OGG1: variants seen among roughly 807,000 people sequenced by gnomAD.
OGG1 encodes 8-oxoguanine DNA glycosylase, also known as N-glycosylase/DNA lyase.
Under a neutral mutation model 42.3 loss-of-function variants are expected in OGG1, and 35 were observed. That is an observed-to-expected ratio of 0.83 (90% CI 0.63 to 1.10). The LOEUF (loss-of-function observed/expected upper bound fraction) is 1.10, where lower values mean the gene tolerates loss of function less well. Ranked by LOEUF, OGG1 falls within the 50% of genes least tolerant of loss-of-function variation. The pLI, the probability that OGG1 is intolerant of heterozygous loss-of-function variation, is 0.00. For synonymous variants in OGG1, 189 were observed against 179.0 expected (o/e 1.06, Z -0.44); for missense variants, 484 against 446.7 (o/e 1.08, Z -0.75).
chr3:9,764,617 G>GTTT (rs202012854), intron 7 of OGG1, among the ~76,000 whole-genome samples: 12 of 93,460 alleles, frequency 1.3e-4, no homozygotes, highest in South Asian at 3.8e-4. Flanking sequence ...TGGCGTTTTT[G>GTTT]TTTTTTTTTT....
downstream of OGG1, chr3:9,789,492 A>G (rs373621595): frequency 1.6e-4 from 250 of 1,608,576 alleles, no homozygotes; most frequent in Middle Eastern, 1.2e-3. Flanking sequence ...ATGTCTATCA[A>G]GGCCCAGAGT....
downstream of OGG1, among the ~76,000 whole-genome samples, chr3:9,770,401 G>T (rs1176894059): frequency 6.6e-6 from 1 of 152,104 alleles, no homozygotes; most frequent in African/African-American, 2.4e-5. Flanking sequence ...GGGGAGTGAG[G>T]GAGTGGGGAA....
chr3:9,778,869 A>T (rs959187728), intron 2 of OGG1, among the ~76,000 whole-genome samples: 5 of 152,212 alleles, frequency 3.3e-5, no homozygotes, highest in African/African-American at 1.2e-4. Flanking sequence ...TCTCCAACAG[A>T]GAGGTGCTGG....
chr3:9,787,781 G>C (rs920054743), exon 4 of OGG1: 52 of 1,164,244 alleles, frequency 4.5e-5, no homozygotes, highest in Non-Finnish European at 5.9e-5. Context: ...TCAAAGTGTT[G>C]TGGCAGCACA....
rs538979516 is a variant in OGG1, at chr3:9,785,581, C to T, written c.383-2147C>T. On this transcript the variant is annotated intron_variant, in intron 3 of 3. Coordinates refer to the OGG1 transcript ENST00000426518. The stretch of plus-strand genomic sequence containing the variant: ...GCCTTCCCATACCAATCCCAAATTG[C>T]TTTGATCATTCTAGAAATCCCTTTT... 6.6e-4 allele frequency among the ~76,000 whole-genome samples: 101 copies of T among 152,342 alleles called. 1 individual carries two copies. The highest frequency in any genetic ancestry group is 5.9e-4 in the Non-Finnish European group (40 of 68,032).
downstream of OGG1, chr3:9,789,594 G>A (rs772932428): frequency 4.3e-5 from 70 of 1,613,986 alleles, no homozygotes; most frequent in Non-Finnish European, 5.7e-5. Context: ...AGCACAGTAG[G>A]GCTCCACTGA....
At chr3:9,785,882 G>A (rs1471653799) in intron 3 of OGG1, among the ~76,000 whole-genome samples, 3 of 152,080 alleles carry the variant, frequency 2.0e-5, no homozygotes, top group East Asian at 1.9e-4. Flanking sequence ...GAAGAGATAA[G>A]AGCCATAGCT....
At chr3:9,763,028 G>T in intron 7 of OGG1, 1 of 1,614,094 alleles carries the variant, frequency 6.2e-7, no homozygotes, top group Non-Finnish European at 8.5e-7. Flanking sequence ...CCACAATACG[G>T]TCAAAGAGCT....
downstream of OGG1, chr3:9,760,647 C>A: frequency 6.2e-7 from 1 of 1,613,680 alleles, no homozygotes; most frequent in Non-Finnish European, 8.5e-7. Flanking sequence ...AAAGCAAAGC[C>A]CCAAATACCA....
chr3:9,784,180 G>T (rs912516921), intron 3 of OGG1: 4 of 1,613,916 alleles, frequency 2.5e-6, no homozygotes, highest in Non-Finnish European at 3.4e-6. Flanking sequence ...GCTCCTCCTT[G>T]ATGCGGCTCT....
Position 9,751,862 on chromosome 3 carries a change from G to A in OGG1, c.478G>A (p.Glu160Lys). 2 of 1,614,146 alleles carry A rather than the reference G, an allele frequency of 1.2e-6. No homozygotes were observed. The highest frequency in any genetic ancestry group is 2.7e-5 in the African/African-American group (2 of 75,036). ...NNIARITGMV[E>K]RLCQAFGPRL... ...CATCGCCCGCATCACTGGCATGGTG[G>A]AGCGGCTGTGCCAGGCTTTTGGACC... Residue 160 changes from glutamate to lysine, a missense_variant, in exon 3 of 7, where the codon GAG becomes AAG. By Grantham distance (56) the Glu-to-Lys change is moderately conservative. Transcript: ENST00000344629.
chr3:9,767,429 C>G (rs1222999646), downstream of OGG1, among the ~76,000 whole-genome samples: 1 of 152,232 alleles, frequency 6.6e-6, no homozygotes, highest in African/African-American at 2.4e-5. Context: ...AATGGACTGA[C>G]TGGCACCTTC....
chr3:9,769,965 G>C (rs1027927770), downstream of OGG1: 2 of 152,278 alleles, frequency 1.3e-5, no homozygotes, highest in East Asian at 1.9e-4. Context: ...GGCTCGGCTC[G>C]GCGGCTCTCT....
chr3:9,762,597 T>G (rs1001436923), intron 7 of OGG1, among the ~76,000 whole-genome samples: 14 of 152,012 alleles, frequency 9.2e-5, no homozygotes, highest in African/African-American at 3.1e-4. Context: ...CGAACTGACC[T>G]CAGGTGATCC....
chr3:9,752,867 A>G (rs1426744654), intron 3 of OGG1, among the ~76,000 whole-genome samples: 1 of 151,218 alleles, frequency 6.6e-6, no homozygotes, highest in Admixed American at 6.6e-5. Context: ...CCTGGCCAAC[A>G]TGGTGAAACC....
Position 9,751,126 on chromosome 3 carries a change from G to T in OGG1, c.319G>T (p.Ala107Ser). The T allele has an allele frequency of 6.2e-7, 1 of 1,614,184 alleles. No individual in the cohort carries two copies. Among genetic ancestry groups the T allele is most frequent in the Non-Finnish European group, 8.5e-7 (1 of 1,180,040 alleles). Reference sequence around the variant, plus strand: ...GTACTTCCAGCTAGATGTTACCCTGGCTCAACTGTATCACCACTGGGGTTC... The same window carrying T: ...GTACTTCCAGCTAGATGTTACCCTGTCTCAACTGTATCACCACTGGGGTTC... ...RKYFQLDVTL[A>S]QLYHHWGSVD... Residue 107 changes from alanine (A) to serine (S), a missense_variant, in exon 2 of 7, where the codon GCT becomes TCT. Coordinates refer to ENST00000344629, the MANE Select transcript of OGG1 (RefSeq NM_002542.6).
At position 9,780,323 on chromosome 3, in the gene OGG1, A is replaced by C. The variant is rs1192092306; in HGVS notation, c.295-1190A>C. On this transcript the variant is annotated intron_variant, in intron 2 of 3. Transcript: ENST00000426518. Reference sequence around the variant, plus strand: ...AAGTGGGCCTCCCTTCCCCTCCCCTAGGCCAGATAATCAGCCTGAGGCAGG... The same window carrying C: ...AAGTGGGCCTCCCTTCCCCTCCCCTCGGCCAGATAATCAGCCTGAGGCAGG... 3.8e-6 allele frequency: 6 copies of C among 1,588,380 alleles called. No homozygotes were observed. The South Asian group carries it at 6.7e-5, about 18-fold the overall frequency.
intron 3 of OGG1, among the ~76,000 whole-genome samples, chr3:9,753,592 T>C (rs1279637321): frequency 6.6e-6 from 1 of 151,708 alleles, no homozygotes; most frequent in Admixed American, 6.6e-5. Flanking sequence ...AGGCGAAGCT[T>C]GCAGTGAGCC....
At position 9,787,945 on chromosome 3, in the gene OGG1, TGTG is replaced by T. The variant is rs998970807; in HGVS notation, c.*218_*220del. The T allele has an allele frequency of 2.2e-5, 8 of 356,008 alleles. No homozygotes were observed. The Admixed American group carries it at 3.2e-4, about 14-fold the overall frequency. The allele number at this position is 356,008 out of a possible 1,614,324, so 22.1% of individuals were successfully genotyped here. On this transcript the variant is annotated 3_prime_UTR_variant, in exon 4 of 4. Coordinates refer to the OGG1 transcript ENST00000426518. ...GAGGCCCAGAGACCAGCGAGGAGGC[TGTG>T]GTGTCCTGGAATGAGGGCGAGATAC...
Sources: allele counts gnomAD v4.1 joint callset (sites outside exome capture counted in the v4.1 genomes callset), GRCh38; gene constraint gnomAD v4.1.1; transcripts MANE v1.5; gene names NCBI Gene and HGNC (gene_info 2026-07-23, HGNC 2026-07-21).